SPTBN5: variants seen among roughly 807,000 people sequenced by gnomAD.
SPTBN5 encodes the protein spectrin beta chain, non-erythrocytic 5.
A neutral mutation model predicts 477.6 loss-of-function variants in SPTBN5; 513 were observed. The observed-to-expected ratio is 1.07, with a 90% confidence interval of 1.00 to 1.16. The LOEUF (loss-of-function observed/expected upper bound fraction) is 1.16, where lower values mean the gene tolerates loss of function less well. Among genes scored for constraint, SPTBN5 ranks in the 50% most tolerant of loss-of-function variants. The pLI is 0.00. For synonymous variants in SPTBN5, 2,169 were observed against 2,011.7 expected (o/e 1.08, Z -2.09); for missense variants, 5,062 against 4,731.8 (o/e 1.07, Z -2.05).
chr15:41,885,752 C>T lies in SPTBN5; in HGVS notation c.1503G>A (p.Trp501Ter), dbSNP rs1306454902. 1.9e-6 allele frequency: 3 copies of T among 1,556,854 alleles called. No homozygotes were observed. Among genetic ancestry groups the T allele is most frequent in the Non-Finnish European group, 2.6e-6 (3 of 1,150,444 alleles). ...GGGCTCACCTGCGGGCCACATCTGC[C>T]CAGCTGTGGTACTGCTCCTGCCGGA... ...DILRQEQYHSWADVARRQEEV... is the reference protein window; with the variant it reads ...DILRQEQYHS Residue 501 changes from tryptophan to a stop codon, truncating the protein, a stop_gained, in exon 7 of 68, where the codon TGG becomes TGA. Coordinates refer to ENST00000320955, the MANE Select transcript of SPTBN5 (RefSeq NM_016642.4). LOFTEE classifies it high-confidence loss of function.
intron 7 of SPTBN5, 59 bp downstream of exon 7, chr15:41,885,676 G>A: frequency 1.3e-6 from 2 of 1,505,744 alleles, no homozygotes; most frequent in Non-Finnish European, 8.9e-7. Flanking sequence ...ATGGAAGGAT[G>A]GGGGTGTGGT....
chr15:41,859,100 AG>A, intron 47 of SPTBN5, 120 bp from the exon 48 acceptor site: 1 of 711,910 alleles, frequency 1.4e-6, no homozygotes, highest in Non-Finnish European at 2.2e-6. Context: ...TTTGGAATAA[AG>A]GTACATTGCA....
intron 2 of SPTBN5, 70 bp from the exon 3 acceptor site, chr15:41,893,131 A>C (rs1595522810): frequency 6.3e-7 from 1 of 1,581,496 alleles, no homozygotes; most frequent in Non-Finnish European, 8.6e-7. Flanking sequence ...GGGACCTGAG[A>C]GGTACGACCC....
At chr15:41,849,114 A>C (rs542648117) in intron 67 of SPTBN5, among the ~76,000 whole-genome samples, 1 of 152,228 alleles carries the variant, frequency 6.6e-6, no homozygotes, top group Non-Finnish European at 1.5e-5. Context: ...CATGGGGCCC[A>C]TGCACGGAGG....
chr15:41,852,989 G>A lies in SPTBN5; in HGVS notation c.10182C>T (p.Cys3394=), dbSNP rs992454156. Residue 3394 remains cysteine (C), a synonymous_variant, in exon 60 of 68, where the codon TGC becomes TGT. Coordinates refer to ENST00000320955, the MANE Select transcript of SPTBN5 (RefSeq NM_016642.4). ...SHFMSAEVTE[C]LQELEGRLQE... is the part of the protein sequence containing the mutation. ...GCAGCCGCCCTTCCAGCTCCTGCAG[G>A]CACTCTGTCACCTGGTGGGGAGGGG... The A allele has an allele frequency of 5.2e-6, 8 of 1,542,018 alleles. No individual in the cohort carries two copies. In the African/African-American group the frequency reaches 6.9e-5, roughly 13 times the overall value.
Position 41,867,754 on chromosome 15 carries a change from C to T in SPTBN5, c.6208-112G>A, listed in dbSNP as rs562278930. The T allele has an allele frequency of 3.9e-6, 4 of 1,023,082 alleles. No individual in the cohort carries two copies. In the Admixed American group the frequency reaches 7.0e-5, roughly 18 times the overall value. 63.4% of individuals were successfully genotyped at this position (1,023,082 alleles called of 1,614,324 possible). A position where few individuals can be genotyped will look rare whatever the true frequency, so the allele number is the denominator to read the frequency against. On this transcript the variant is annotated intron_variant, in intron 34 of 67. Transcript: ENST00000320955. The stretch of plus-strand genomic sequence containing the variant: ...TATGGCAGGGCCTTAGGAGTGCCCA[C>T]TGAGCTTGGCATGGAGCTGTGAGGA...
intron 59 of SPTBN5, 23 bp downstream of exon 59, chr15:41,853,235 A>C: frequency 2.6e-6 from 4 of 1,560,602 alleles, no homozygotes; most frequent in Admixed American, 1.7e-5. Flanking sequence ...GCCCAACCCC[A>C]GGCCCACCCT....
Position 41,854,134 on chromosome 15 carries a change from C to G in SPTBN5, c.9690G>C (p.Glu3230Asp), listed in dbSNP as rs1001413868. Residue 3230 changes from glutamate to aspartate, a missense_variant, in exon 57 of 68, where the codon GAG (glutamate) becomes GAC (aspartate). Transcript: ENST00000320955. ...AAAELQGRMQ[E>D]KTALMKGEDG... ...CCTCCCCCTTCATCAGGGCCGTCTTCTCCTGCATCCTTCCCTGGAGCTCAG... is the reference window on the plus strand; with the variant it reads ...CCTCCCCCTTCATCAGGGCCGTCTTGTCCTGCATCCTTCCCTGGAGCTCAG... 1 of 1,593,556 alleles carries G rather than the reference C, an allele frequency of 6.3e-7. No individual in the cohort carries two copies. The highest frequency in any genetic ancestry group is 8.5e-7 in the Non-Finnish European group (1 of 1,170,656).
At position 41,881,081 on chromosome 15, in the gene SPTBN5, G is replaced by C. The variant is rs772862510; in HGVS notation, c.2611C>G (p.Gln871Glu). ...DFDPNTILQT[Q>E]DHLSQDYESL... ...TCATAGTCCTGACTCAAGTGGTCCT[G>C]TGTCTGGAGTATAGTGTTGGGATCA... The change falls in exon 13 of 68, where the codon CAG becomes GAG. Residue 871 changes from glutamine to glutamate, a missense_variant. By Grantham distance (29) the Gln-to-Glu change is conservative. Transcript: ENST00000320955. 9 of 1,609,548 alleles carry C rather than the reference G, an allele frequency of 5.6e-6. No homozygotes were observed. In the East Asian group the frequency reaches 2.0e-4, roughly 36 times the overall value.
At chr15:41,892,724 C>T (rs932980939) in intron 3 of SPTBN5, 170 bp downstream of exon 3, 6 of 699,208 alleles carry the variant, frequency 8.6e-6, no homozygotes, top group Admixed American at 3.5e-5. Flanking sequence ...GGGTGCTGTG[C>T]GAGGAGGGCG....
rs761627772 is a variant in SPTBN5, at chr15:41,853,278, T to C, written c.10150A>G (p.Ser3384Gly). ...RQEGQQLVDN[S>G]HFMSAEVTEC... is the part of the protein sequence containing the mutation. ...CACACCTCCGCAGACATGAAGTGGC[T>C]GTTGTCCACCAGCTGCTGTCCTTCC... Residue 3384 changes from serine (S) to glycine (G), a missense_variant, in exon 59 of 68, where the codon AGC (serine) becomes GGC (glycine). Transcript: ENST00000320955. 1.2e-6 allele frequency: 2 copies of C among 1,608,442 alleles called. No homozygotes were observed. Among genetic ancestry groups the C allele is most frequent in the East Asian group, 2.2e-5 (1 of 44,722 alleles).
rs1431126573 is a variant in SPTBN5 at position 41,879,448 on chromosome 15, G to T, written c.2994C>A (p.His998Gln). The T allele has an allele frequency of 6.2e-7, 1 of 1,604,786 alleles. No homozygotes were observed. The highest frequency in any genetic ancestry group is 1.1e-5 in the South Asian group (1 of 90,382). ...LKREKAVQLA[H>Q]SVEVCSFLQE... ...GCAGAAAACTGCACACTTCCACACT[G>T]TGTGCCAGCTGCACGGCCTTCTCCC... Residue 998 changes from histidine (H) to glutamine (Q), a missense_variant, in exon 16 of 68, where the codon CAC becomes CAA. Transcript: ENST00000320955.
intron 36 of SPTBN5, 135 bp downstream of exon 36, chr15:41,866,824 G>T: frequency 8.4e-7 from 1 of 1,195,968 alleles, no homozygotes; most frequent in Non-Finnish European, 1.1e-6. Context: ...CCATGTTCTG[G>T]GCTCCAGCAC....
chr15:41,888,514 G>A (rs1338795045), intron 4 of SPTBN5, among the ~76,000 whole-genome samples: 1 of 152,260 alleles, frequency 6.6e-6, no homozygotes, highest in South Asian at 2.1e-4. Flanking sequence ...GGGCTGGAGT[G>A]CAGTGGCACG....
At chr15:41,857,176 G>T in intron 51 of SPTBN5, 62 bp downstream of exon 51, 3 of 1,536,364 alleles carry the variant, frequency 2.0e-6, no homozygotes, top group Non-Finnish European at 2.6e-6. Flanking sequence ...AGTTAAGAGG[G>T]CAGGGGTGGG....
At chr15:41,891,628 G>A (rs904995005) in intron 3 of SPTBN5, among the ~76,000 whole-genome samples, 3 of 152,178 alleles carry the variant, frequency 2.0e-5, no homozygotes, top group Non-Finnish European at 4.4e-5. Context: ...TTTGTTAAAC[G>A]TTTACCAGCA....
Position 41,875,490 on chromosome 15 carries a change from C to T in SPTBN5, c.4255G>A (p.Gly1419Arg), listed in dbSNP as rs765730656. 1 of 1,612,602 alleles carries T rather than the reference C, an allele frequency of 6.2e-7. No homozygotes were observed. The highest frequency in any genetic ancestry group is 8.5e-7 in the Non-Finnish European group (1 of 1,179,530). ...TERGDELQQA[G>R]QQEQLLRQLQ... ...TGCCTCAGGAGTTGCTCCTGCTGTC[C>T]AGCCTGCTGGAGCTCGTCCCCACGC... The change falls in exon 22 of 68, where the codon GGA (glycine) becomes AGA (arginine). Residue 1419 changes from glycine to arginine, a missense_variant. Physicochemically the swap from Gly to Arg is moderately radical, Grantham distance 125. Coordinates refer to ENST00000320955, the MANE Select transcript of SPTBN5 (RefSeq NM_016642.4).
At chr15:41,848,745 T>G in intron 67 of SPTBN5, 117 bp from the exon 68 acceptor site, 2 of 1,213,170 alleles carry the variant, frequency 1.6e-6, no homozygotes, top group East Asian at 4.7e-5. Flanking sequence ...AGAATAAGCG[T>G]GGGAGTGGAT....
intron 41 of SPTBN5, 66 bp downstream of exon 41, chr15:41,863,637 AG>A (rs2066195054): frequency 7.8e-7 from 1 of 1,290,084 alleles, no homozygotes; most frequent in Non-Finnish European, 1.1e-6. Context: ...GGGAGACTCT[AG>A]GCAGTGCCCC....
Sources: allele counts gnomAD v4.1 joint callset (sites outside exome capture counted in the v4.1 genomes callset), GRCh38; gene constraint gnomAD v4.1.1; transcripts MANE v1.5; gene names NCBI Gene and HGNC (gene_info 2026-07-23, HGNC 2026-07-21).